Variants in CPEB4 observed in about 807,000 individuals in gnomAD.
CPEB4 encodes cytoplasmic polyadenylation element-binding protein 4.
A neutral mutation model predicts 72.5 loss-of-function variants in CPEB4; 12 were observed. The observed-to-expected ratio is 0.17, with a 90% CI of 0.11 to 0.27. The LOEUF is 0.27. Ranked by LOEUF, CPEB4 falls within the 10% of genes least tolerant of loss-of-function variation. The pLI, the probability that CPEB4 is intolerant of heterozygous loss-of-function variation, is 1.00. For synonymous variants in CPEB4, 302 were observed against 326.3 expected (o/e 0.93, Z 0.80); for missense variants, 614 against 908.5 (o/e 0.68, Z 4.17).
At chr5:173,946,096 T>C (rs1758006874) in intron 5 of CPEB4, among the ~76,000 whole-genome samples, 2 of 152,236 alleles carry the variant, frequency 1.3e-5, no homozygotes, top group South Asian at 4.1e-4. Context: ...ATCAGACTTA[T>C]CAAGTCACTT....
chr5:173,938,361 G>A (rs1205822481), intron 3 of CPEB4, among the ~76,000 whole-genome samples: 3 of 152,120 alleles, frequency 2.0e-5, no homozygotes, highest in Non-Finnish European at 2.9e-5. Context: ...AAGTAGCTGC[G>A]ATTACAGGCA....
At chr5:173,901,644 T>C (rs1430495453) in intron 1 of CPEB4, among the ~76,000 whole-genome samples, 1 of 152,234 alleles carries the variant, frequency 6.6e-6, no homozygotes, top group Non-Finnish European at 1.5e-5. Flanking sequence ...GACCACTTAC[T>C]GTGTGACTTT....
At chr5:173,897,120 G>A (rs1363325753) in intron 1 of CPEB4, among the ~76,000 whole-genome samples, 1 of 152,080 alleles carries the variant, frequency 6.6e-6, no homozygotes, top group Non-Finnish European at 1.5e-5. Flanking sequence ...TATTGAATAA[G>A]CTATAGATGC....
At chr5:173,942,874 G>GT (rs892157552) in intron 3 of CPEB4, 152 bp from the exon 4 acceptor site, 7 of 734,708 alleles carry the variant, frequency 9.5e-6, no homozygotes, top group South Asian at 2.4e-5. Flanking sequence ...CCCGTTCCTT[G>GT]TTTTTTTAGA....
chr5:173,960,839 C>A lies in CPEB4; in HGVS notation c.*4702C>A, dbSNP rs892597540. On this transcript the variant is annotated 3_prime_UTR_variant, in exon 10 of 10. Coordinates refer to ENST00000265085, the MANE Select transcript of CPEB4 (RefSeq NM_030627.4). ...GATACGGTGTGTGGGATTATAATCT[C>A]TATGGCATGTCAATTGAAAATATTA... The A allele has an allele frequency of 7.2e-5, 11 of 152,122 alleles. No homozygotes were observed. Among genetic ancestry groups the A allele is most frequent in the Non-Finnish European group, 1.6e-4 (11 of 68,048 alleles). The allele number at this position is 152,122 out of a possible 1,614,324, so 9.4% of individuals were successfully genotyped here. A position where few individuals can be genotyped will look rare whatever the true frequency, so the allele number is the denominator to read the frequency against.
chr5:173,888,416 C>T lies in CPEB4; in HGVS notation c.-1318C>T, dbSNP rs768962136. The T allele has an allele frequency of 2.7e-4, 122 of 445,226 alleles. 1 individual carries two copies. Among genetic ancestry groups the T allele is most frequent in the Non-Finnish European group, 1.9e-4 (48 of 257,572 alleles). 27.6% of individuals were successfully genotyped at this position (445,226 alleles called of 1,614,324 possible). A position where few individuals can be genotyped will look rare whatever the true frequency, so the allele number is the denominator to read the frequency against. On this transcript the variant is annotated 5_prime_UTR_variant, in exon 1 of 10. Transcript: ENST00000265085. This position sits in a 1 kb window ranked among gnomAD's most constrained non-coding sequence, Gnocchi z 4.3. ...GGACCCGGGCACCGGGAGGCGGTGG[C>T]GGCGGCGGCGGCGGCAGCAGCGGCG...
intron 2 of CPEB4, among the ~76,000 whole-genome samples, chr5:173,925,876 G>A (rs1757226426): frequency 1.3e-5 from 2 of 152,196 alleles, no homozygotes; most frequent in Admixed American, 6.5e-5. Flanking sequence ...GTATATATTT[G>A]TGTGCATTAG....
intron 3 of CPEB4, among the ~76,000 whole-genome samples, chr5:173,942,024 C>T (rs1236996749): frequency 1.3e-5 from 2 of 152,258 alleles, no homozygotes; most frequent in African/African-American, 4.8e-5. Flanking sequence ...TGCCCTTCCT[C>T]TGTTTTTCTG....
At chr5:173,906,605 C>A (rs1756444786) in intron 1 of CPEB4, among the ~76,000 whole-genome samples, 2 of 152,206 alleles carry the variant, frequency 1.3e-5, no homozygotes, top group South Asian at 4.1e-4. Flanking sequence ...GAGGCAGTTT[C>A]CTTCTGAGTC....
chr5:173,915,266 A>AGGAGT (rs1195497382), intron 2 of CPEB4, among the ~76,000 whole-genome samples: 1 of 152,190 alleles, frequency 6.6e-6, no homozygotes, highest in African/African-American at 2.4e-5. Flanking sequence ...AAATGTTCAA[A>AGGAGT]GGAGTACATA....
At chr5:173,897,400 G>A (rs958317793) in intron 1 of CPEB4, among the ~76,000 whole-genome samples, 2 of 152,128 alleles carry the variant, frequency 1.3e-5, no homozygotes, top group Non-Finnish European at 2.9e-5. Flanking sequence ...GAATAGTTTG[G>A]CTTTTATCCT....
chr5:173,906,242 G>A (rs570574914), intron 1 of CPEB4, among the ~76,000 whole-genome samples: 1 of 152,254 alleles, frequency 6.6e-6, no homozygotes, highest in African/African-American at 2.4e-5. Flanking sequence ...AGCATTGTTT[G>A]TACTGTTCTT....
intron 2 of CPEB4, among the ~76,000 whole-genome samples, chr5:173,929,749 G>C (rs72812818): frequency 0.24 from 35,706 of 151,802 alleles, 5,078 homozygotes; most frequent in Non-Finnish European, 0.31. Context: ...AAGTAAAAGG[G>C]ATTATGGTTC....
chr5:173,946,183 A>G (rs755395453), intron 5 of CPEB4, among the ~76,000 whole-genome samples: 1 of 152,170 alleles, frequency 6.6e-6, no homozygotes, highest in Non-Finnish European at 1.5e-5. Context: ...TGAAATAAAC[A>G]TAGAGGTTTT....
At chr5:173,901,721 G>A (rs1261957190) in intron 1 of CPEB4, among the ~76,000 whole-genome samples, 1 of 152,198 alleles carries the variant, frequency 6.6e-6, no homozygotes, top group Admixed American at 6.5e-5. Context: ...TGACAGTACT[G>A]ACTTCATATG....
At chr5:173,943,539 C>G (rs778821140) in intron 4 of CPEB4, among the ~76,000 whole-genome samples, 10 of 151,960 alleles carry the variant, frequency 6.6e-5, no homozygotes, top group Non-Finnish European at 1.3e-4. Flanking sequence ...CTATAAATTT[C>G]AAACATTTGG....
chr5:173,949,295 C>A (rs1231664603), intron 5 of CPEB4, among the ~76,000 whole-genome samples: 1 of 151,866 alleles, frequency 6.6e-6, no homozygotes, highest in Non-Finnish European at 1.5e-5. Context: ...TTGATTTGTG[C>A]ATATGTACAG....
chr5:173,949,734 C>G, intron 6 of CPEB4, 137 bp downstream of exon 6: 1 of 693,202 alleles, frequency 1.4e-6, no homozygotes, highest in Non-Finnish European at 2.4e-6. Context: ...TTTAAAATTT[C>G]AACATAATAT....
chr5:173,947,227 TA>T (rs1758051589), intron 5 of CPEB4, among the ~76,000 whole-genome samples: 1 of 152,222 alleles, frequency 6.6e-6, no homozygotes, highest in African/African-American at 2.4e-5. Context: ...ATGTATAATG[TA>T]GCATAATTTG....
Sources: gnomAD v4.1 joint callset for allele counts (sites outside exome capture counted in the v4.1 genomes callset) on GRCh38, gnomAD v4.1.1 for gene constraint, Gnocchi (gnomAD v3.1) non-coding constraint, MANE v1.5 for transcripts, NCBI Gene and HGNC (gene_info 2026-07-23, HGNC 2026-07-21) for gene names.